SQSTM1: variants seen among roughly 807,000 people sequenced by gnomAD.
SQSTM1 encodes the protein sequestosome 1, also known as sequestosome-1.
SQSTM1 carries 36 observed loss-of-function variants against 45.1 expected under a neutral mutation model. The observed-to-expected ratio is 0.80, with a 90% CI of 0.61 to 1.05. The LOEUF (loss-of-function observed/expected upper bound fraction) is 1.05, where lower values mean the gene tolerates loss of function less well. SQSTM1 is among the 50% of genes least tolerant of loss of function. The pLI is 0.00. For synonymous variants in SQSTM1, 290 were observed against 244.3 expected, an observed-to-expected ratio of 1.19 and a Z score of -1.74; for missense variants, 617 against 607.1, an observed-to-expected ratio of 1.02 and a Z score of -0.17.
At chr5:179,815,603 T>G (rs1029142846), upstream of SQSTM1, among the ~76,000 whole-genome samples, 21 of 152,022 alleles carry the variant, frequency 1.4e-4, no homozygotes, top group Admixed American at 6.6e-5. Flanking sequence ...GATTCCCCCC[T>G]CCCCAAGGCT....
chr5:179,829,035 G>T (rs546775610), intron 5 of SQSTM1, among the ~76,000 whole-genome samples: 17 of 152,134 alleles, frequency 1.1e-4, no homozygotes, highest in East Asian at 3.9e-4. Context: ...AGGAACAAGG[G>T]GGGAGGGTTG....
chr5:179,830,962 A>G (rs1012655363), intron 5 of SQSTM1, among the ~76,000 whole-genome samples: 6 of 152,200 alleles, frequency 3.9e-5, no homozygotes, highest in African/African-American at 9.7e-5. Context: ...TTGTTCTCCC[A>G]AAGTGTTAGG....
intron 2 of SQSTM1, chr5:179,812,674 C>G (rs1261442911): frequency 6.6e-6 from 1 of 152,318 alleles, no homozygotes; most frequent in East Asian, 1.9e-4. Flanking sequence ...CAGCAGCCAG[C>G]TCGCAGCAGT....
At chr5:179,807,506 G>A (rs1339911206) in intron 1 of SQSTM1, 2 of 152,322 alleles carry the variant, frequency 1.3e-5, no homozygotes, top group Non-Finnish European at 2.9e-5. Flanking sequence ...GCTTCCCGGG[G>A]CAGGGGCGGC....
upstream of SQSTM1, among the ~76,000 whole-genome samples, chr5:179,814,606 G>C (rs190502291): frequency 1.6e-3 from 244 of 152,308 alleles, 3 homozygotes; most frequent in African/African-American, 5.7e-3. Flanking sequence ...GAAATCAAAG[G>C]CTTTCTTGGC....
At chr5:179,825,853 C>T (rs1318808775) in intron 5 of SQSTM1, among the ~76,000 whole-genome samples, 4 of 152,090 alleles carry the variant, frequency 2.6e-5, no homozygotes, top group South Asian at 2.1e-4. Context: ...GTGCCTGTTG[C>T]GTCTGGCTAA....
At chr5:179,819,377 CG>C (rs1202541172), upstream of SQSTM1, among the ~76,000 whole-genome samples, 3 of 151,132 alleles carry the variant, frequency 2.0e-5, no homozygotes, top group African/African-American at 7.3e-5. Context: ...AAACTTCCCG[CG>C]ATCCCAAACG....
At chr5:179,830,505 C>T (rs1758165106) in intron 5 of SQSTM1, among the ~76,000 whole-genome samples, 1 of 152,016 alleles carries the variant, frequency 6.6e-6, no homozygotes, top group Non-Finnish European at 1.5e-5. Flanking sequence ...CTTCAGCCTC[C>T]CCAGTAGCTG....
chr5:179,814,128 A>T (rs1235021650), upstream of SQSTM1, among the ~76,000 whole-genome samples: 1 of 152,190 alleles, frequency 6.6e-6, no homozygotes, highest in East Asian at 1.9e-4. Context: ...TCCATCTCAA[A>T]CAAAAAACAG....
intron 5 of SQSTM1, among the ~76,000 whole-genome samples, chr5:179,825,690 T>TC (rs1345653569): frequency 6.6e-6 from 1 of 152,216 alleles, no homozygotes; most frequent in African/African-American, 2.4e-5. Flanking sequence ...TGGGCCTGCC[T>TC]CAGAGCGGGG....
chr5:179,820,991 G>T lies in SQSTM1; in HGVS notation c.55G>T (p.Glu19Ter). Residue 19 changes from glutamate to a stop codon, truncating the protein, a stop_gained, in exon 1 of 8, where the codon GAG becomes TAG. Coordinates refer to ENST00000389805, the MANE Select transcript of SQSTM1 (RefSeq NM_003900.5). LOFTEE classifies it high-confidence loss of function. ...YLLGKEDAAR[E>*]IRRFSFCCSP... ...TCTGGGCAAGGAGGACGCGGCGCGC[G>T]AGATTCGCCGCTTCAGCTTCTGCTG... The T allele has an allele frequency of 6.4e-7, 1 of 1,574,468 alleles. No homozygotes were observed. The highest frequency in any genetic ancestry group is 8.6e-7 in the Non-Finnish European group (1 of 1,169,452).
chr5:179,821,924 A>G (rs970608931), intron 1 of SQSTM1, among the ~76,000 whole-genome samples: 7 of 151,462 alleles, frequency 4.6e-5, no homozygotes, highest in African/African-American at 1.7e-4. Context: ...CGCTGCCAGC[A>G]TACCAGGCCC....
rs1256909021 is a variant in SQSTM1 at position 179,824,272 on chromosome 5, C to A, written c.622C>A (p.Pro208Thr). The change falls in exon 4 of 8, where the codon CCA (proline) becomes ACA (threonine). Residue 208 changes from proline to threonine, a missense_variant. Coordinates refer to ENST00000389805, the MANE Select transcript of SQSTM1 (RefSeq NM_003900.5). ...AATGGGTCCACCAGGAAACTGGAGC[C>A]CACGTCCTCCTCGTGCAGGGGAGGC... ...WEMGPPGNWS[P>T]RPPRAGEARP... 1 of 1,613,810 alleles carries A rather than the reference C, an allele frequency of 6.2e-7. No individual in the cohort carries two copies. Among genetic ancestry groups the A allele is most frequent in the Non-Finnish European group, 8.5e-7 (1 of 1,180,040 alleles).
At chr5:179,807,354 C>G (rs1233119239) in intron 1 of SQSTM1, 1 of 152,220 alleles carries the variant, frequency 6.6e-6, no homozygotes, top group Non-Finnish European at 1.5e-5. Flanking sequence ...CCGCCCAGGG[C>G]GCTTCCCCGC....
rs1758612642 is a variant in SQSTM1, at chr5:179,837,197, TAGCCATCCTG to T, written c.*605_*614del. On this transcript the variant is annotated 3_prime_UTR_variant, in exon 8 of 8. Coordinates refer to ENST00000389805, the MANE Select transcript of SQSTM1 (RefSeq NM_003900.5). Reference sequence around the variant, plus strand: ...CTGCTTTTAAAATAAGATCTCTTTGTAGCCATCCTGTTAAATTTGTAAACAATCTAATTAA... The same window carrying T: ...CTGCTTTTAAAATAAGATCTCTTTGTTTAAATTTGTAAACAATCTAATTAA... 1.3e-6 allele frequency: 2 copies of T among 1,552,870 alleles called. No individual in the cohort carries two copies. Among genetic ancestry groups the T allele is most frequent in the Non-Finnish European group, 1.7e-6 (2 of 1,152,336 alleles).
chr5:179,823,937 C>A lies in SQSTM1; in HGVS notation c.381C>A (p.Ile127=). The A allele has an allele frequency of 6.2e-7, 1 of 1,613,968 alleles. No homozygotes were observed. Among genetic ancestry groups the A allele is most frequent in the Admixed American group, 1.7e-5 (1 of 60,034 alleles). ...GCAACATGGTGCACCCCAATGTGAT[C>A]TGCGATGGCTGCAATGGGCCTGTGG... ...APRNMVHPNV[I]CDGCNGPVVG... Residue 127 remains isoleucine, a synonymous_variant, in exon 3 of 8, where the codon ATC becomes ATA. Transcript: ENST00000389805.
Position 179,806,917 on chromosome 5 carries a change from T to C in SQSTM1, c.-157+326T>C. 1 of 150,092 alleles carries C rather than the reference T, an allele frequency of 6.7e-6. No homozygotes were observed. Among genetic ancestry groups the C allele is most frequent in the East Asian group, 2.0e-4 (1 of 5,068 alleles). The allele number at this position is 150,092 out of a possible 1,614,324, so 9.3% of individuals were successfully genotyped here. On this transcript the variant is annotated intron_variant, in intron 1 of 5. Transcript: ENST00000514093. This position sits in a 1 kb window ranked among gnomAD's most constrained non-coding sequence, Gnocchi z 4.6. ...CGGGCCGGGCCGGGCTGGGCTGGGC[T>C]GGGCGGCGAGAGCCGCGGCCCGGCC...
At chr5:179,822,574 A>C (rs377184102) in intron 1 of SQSTM1, 28 of 340,120 alleles carry the variant, frequency 8.2e-5, no homozygotes, top group Non-Finnish European at 1.4e-4. Flanking sequence ...TGGGCCCCTC[A>C]GGAGCAGGTC....
Position 179,806,676 on chromosome 5 carries a change from G to A in SQSTM1, c.-157+85G>A. ...GCAGGGGTCGGAAGGCGGCGGCGGC[G>A]GCGGCAGGGGCCCCGGCCCCGGGTC... On this transcript the variant is annotated intron_variant, in intron 1 of 5. Coordinates refer to the SQSTM1 transcript ENST00000514093. The surrounding 1 kb of genome is among the most constrained non-coding windows in gnomAD (Gnocchi z 4.6). 2 of 538,574 alleles carry A rather than the reference G, an allele frequency of 3.7e-6. No homozygotes were observed. Among genetic ancestry groups the A allele is most frequent in the Non-Finnish European group, 4.7e-6 (2 of 422,816 alleles). 33.4% of individuals were successfully genotyped at this position (538,574 alleles called of 1,614,324 possible).
Sources: allele counts gnomAD v4.1 joint callset (sites outside exome capture counted in the v4.1 genomes callset), GRCh38; gene constraint gnomAD v4.1.1; non-coding constraint Gnocchi (gnomAD v3.1); transcripts MANE v1.5; gene names NCBI Gene and HGNC (gene_info 2026-07-23, HGNC 2026-07-21).